Variants in APBA1 observed in about 807,000 individuals in gnomAD.
The protein encoded by APBA1 is amyloid-beta A4 precursor protein-binding family A member 1.
A neutral mutation model predicts 86.6 loss-of-function variants in APBA1; 55 were observed. The observed-to-expected ratio is 0.64, with a 90% CI of 0.51 to 0.80. The LOEUF (loss-of-function observed/expected upper bound fraction) is 0.80. Ranked by LOEUF, APBA1 falls within the 30% of genes least tolerant of loss-of-function variation. The probability of loss-of-function intolerance (pLI) is 0.00; values close to 1 mark genes in which losing one functional copy is unlikely to be tolerated. For synonymous variants in APBA1, 511 were observed against 493.9 expected, an observed-to-expected ratio of 1.03 and a Z score of -0.46; for missense variants, 1,090 against 1,183.0, an observed-to-expected ratio of 0.92 and a Z score of 1.15.
intron 1 of APBA1, among the ~76,000 whole-genome samples, chr9:69,596,128 C>A (rs1301994791): frequency 6.6e-6 from 1 of 152,112 alleles, no homozygotes; most frequent in African/African-American, 2.4e-5. Flanking sequence ...GCTAGTACTA[C>A]AGGCATGCAG....
chr9:69,505,744 G>A (rs1402818976), intron 2 of APBA1, among the ~76,000 whole-genome samples: 2 of 152,112 alleles, frequency 1.3e-5, no homozygotes, highest in East Asian at 3.9e-4. Flanking sequence ...CAGGCCGGGT[G>A]TGGTGGCTCA....
rs748690692 is a variant in APBA1, at chr9:69,449,734, T to C, written c.2031A>G (p.Gly677=). 2.5e-6 allele frequency: 4 copies of C among 1,613,844 alleles called. No individual in the cohort carries two copies. The East Asian group carries it at 8.9e-5, about 36-fold the overall frequency. Residue 677 remains glycine, a synonymous_variant, in exon 10 of 13, where the codon GGA becomes GGG. Transcript: ENST00000265381. ...LGVVIVESGW[G]SILPTVIIAN... is the part of the protein sequence containing the mutation. ...CAATGATCACGGTGGGGAGGATGGA[T>C]CCCCAGCCAGACTCCACAATCACCA...
At chr9:69,663,559 G>C (rs1326691598) in intron 1 of APBA1, among the ~76,000 whole-genome samples, 1 of 152,176 alleles carries the variant, frequency 6.6e-6, no homozygotes, top group East Asian at 1.9e-4. Flanking sequence ...TTAAAATAAA[G>C]TGTGCCTGTT....
intron 1 of APBA1, among the ~76,000 whole-genome samples, chr9:69,526,596 AG>A (rs1307772360): frequency 1.3e-5 from 2 of 152,144 alleles, no homozygotes; most frequent in African/African-American, 4.8e-5. Flanking sequence ...TGTGGAGAAA[AG>A]GGAACATCTA....
intron 1 of APBA1, among the ~76,000 whole-genome samples, chr9:69,547,095 C>A (rs13291843): frequency 6.6e-6 from 1 of 152,056 alleles, no homozygotes; most frequent in African/African-American, 2.4e-5. Context: ...AATCAATTGT[C>A]GGAGTACAGA....
chr9:69,634,711 A>T (rs1564098069), intron 1 of APBA1, among the ~76,000 whole-genome samples: 1 of 152,192 alleles, frequency 6.6e-6, no homozygotes, highest in South Asian at 2.1e-4. Context: ...TAAAGAAAGG[A>T]TCCTAAAAGC....
intron 1 of APBA1, among the ~76,000 whole-genome samples, chr9:69,585,372 G>T (rs1281422278): frequency 6.6e-6 from 1 of 152,200 alleles, no homozygotes; most frequent in Non-Finnish European, 1.5e-5. Flanking sequence ...GACAACAGAA[G>T]AGATGATAAG....
intron 1 of APBA1, among the ~76,000 whole-genome samples, chr9:69,559,718 T>C (rs1836919387): frequency 6.6e-6 from 1 of 152,256 alleles, no homozygotes; most frequent in African/African-American, 2.4e-5. Flanking sequence ...GCTATTCCTT[T>C]GATAGCAATT....
rs1355554009 is a variant in APBA1 at position 69,653,780 on chromosome 9, C to G, written c.-70+18373G>C. Among the ~76,000 whole-genome samples, 4 of 151,996 alleles carry G rather than the reference C, an allele frequency of 2.6e-5. No individual in the cohort carries two copies. In the East Asian group the frequency reaches 7.7e-4, roughly 29 times the overall value. The stretch of plus-strand genomic sequence containing the variant: ...AAATGAAAATGGAAATAGAACATAC[C>G]AAAACCTACGGGATACAGCAAAAGC... On this transcript the variant is annotated intron_variant, in intron 1 of 12. Coordinates refer to ENST00000265381, the MANE Select transcript of APBA1 (RefSeq NM_001163.4).
rs71507121 is a variant in APBA1, at chr9:69,569,448, A to AGTGTGT, written c.-69-52175_-69-52170dup. 1.8e-3 allele frequency among the ~76,000 whole-genome samples: 261 copies of AGTGTGT among 145,060 alleles called. 2 individuals carry two copies. Among genetic ancestry groups the AGTGTGT allele is most frequent in the African/African-American group, 6.3e-3 (248 of 39,386 alleles). Reference sequence around the variant, plus strand: ...GAGACATTTTTGGTTGTCACGTGTGAGTGTGTGTGTGTGTGTGTGTGTGTG... The same window carrying AGTGTGT: ...GAGACATTTTTGGTTGTCACGTGTGAGTGTGTGTGTGTGTGTGTGTGTGTGTGTGTG... On this transcript the variant is annotated intron_variant, in intron 1 of 12. Transcript: ENST00000265381.
intron 1 of APBA1, among the ~76,000 whole-genome samples, chr9:69,527,398 C>G (rs2099069640): frequency 6.6e-6 from 1 of 152,024 alleles, no homozygotes; most frequent in African/African-American, 2.4e-5. Flanking sequence ...ATTAATCAAA[C>G]AACAAAACAC....
At chr9:69,617,634 T>C (rs563596497) in intron 1 of APBA1, among the ~76,000 whole-genome samples, 1 of 151,998 alleles carries the variant, frequency 6.6e-6, no homozygotes, top group Admixed American at 6.6e-5. Flanking sequence ...GGGAATGTCA[T>C]GGGGAAAAAA....
chr9:69,611,385 T>C (rs546537150), intron 1 of APBA1, among the ~76,000 whole-genome samples: 2 of 150,200 alleles, frequency 1.3e-5, no homozygotes, highest in South Asian at 2.1e-4. Context: ...AAACAAAATA[T>C]AGTGTTGTTA....
intron 1 of APBA1, among the ~76,000 whole-genome samples, chr9:69,625,918 T>C (rs1334405521): frequency 2.6e-5 from 4 of 152,266 alleles, no homozygotes; most frequent in Middle Eastern, 3.4e-3. Flanking sequence ...CTTTGGGCAG[T>C]ATATCCAGTG....
intron 1 of APBA1, among the ~76,000 whole-genome samples, chr9:69,543,077 A>T (rs910339006): frequency 2.6e-5 from 4 of 152,232 alleles, no homozygotes; most frequent in Non-Finnish European, 5.9e-5. Flanking sequence ...TCCTCTCAAG[A>T]CCAAAATCTT....
At chr9:69,658,278 T>TCTC (rs1564104886) in intron 1 of APBA1, among the ~76,000 whole-genome samples, 58 of 65,578 alleles carry the variant, frequency 8.8e-4, no homozygotes, top group African/African-American at 3.1e-3. Flanking sequence ...CTTTCTTTCT[T>TCTC]TCTTTCTCTC....
chr9:69,467,023 G>C (rs933372090), intron 5 of APBA1, among the ~76,000 whole-genome samples: 10 of 152,170 alleles, frequency 6.6e-5, no homozygotes, highest in Non-Finnish European at 1.0e-4. Context: ...GTGGTTCCAG[G>C]TGCTGGTGGC....
intron 1 of APBA1, among the ~76,000 whole-genome samples, chr9:69,645,515 G>C (rs908556035): frequency 6.6e-6 from 1 of 152,178 alleles, no homozygotes; most frequent in African/African-American, 2.4e-5. Context: ...CCTGAAGTGA[G>C]AGAAAAAAAG....
At chr9:69,570,993 T>G (rs1382136476) in intron 1 of APBA1, among the ~76,000 whole-genome samples, 7 of 152,174 alleles carry the variant, frequency 4.6e-5, no homozygotes, top group Non-Finnish European at 1.0e-4. Context: ...GACAAAGTAA[T>G]TCTCCCACTC....
Sources: allele counts gnomAD v4.1 joint callset (sites outside exome capture counted in the v4.1 genomes callset), GRCh38; gene constraint gnomAD v4.1.1; transcripts MANE v1.5; gene names NCBI Gene and HGNC (gene_info 2026-07-23, HGNC 2026-07-21).